Variants in EPB41L1 observed in about 807,000 individuals in gnomAD.
EPB41L1 encodes band 4.1-like protein 1.
EPB41L1 carries 29 observed loss-of-function variants against 97.8 expected under a neutral mutation model. The ratio of observed to expected loss-of-function variants is 0.30; its 90% CI spans 0.22 to 0.40. The LOEUF (loss-of-function observed/expected upper bound fraction) is 0.40. EPB41L1 is among the 10% of genes least tolerant of loss of function. EPB41L1 has a pLI of 1.00. For missense variants in EPB41L1, 812 were observed against 1,162.3 expected (o/e 0.70, Z 4.38); for synonymous variants, 383 against 459.2 (o/e 0.83, Z 2.12).
intron 1 of EPB41L1, among the ~76,000 whole-genome samples, chr20:36,159,704 A>G (rs962398416): frequency 6.6e-6 from 1 of 152,216 alleles, no homozygotes; most frequent in Admixed American, 6.5e-5. Context: ...AGTGCCTGCC[A>G]TATTCTTGCT....
chr20:36,197,752 G>A (rs2062279982), intron 13 of EPB41L1, 107 bp from the exon 14 acceptor site: 20 of 1,602,580 alleles, frequency 1.2e-5, no homozygotes, highest in South Asian at 4.5e-5. Context: ...TGGGAATAAC[G>A]TTGCTGGTGG....
At position 36,231,023 on chromosome 20, in the gene EPB41L1, A is replaced by C. The variant is rs2064466792; in HGVS notation, c.*1683A>C. ...CCTGAAAGATCAAAACTGCATTTGC[A>C]AAGCCCTCCCCTGTCCCAGGACAAA... On this transcript the variant is annotated 3_prime_UTR_variant, in exon 22 of 22. Transcript: ENST00000338074. 1 of 152,322 alleles carries C rather than the reference A, an allele frequency of 6.6e-6. No individual in the cohort carries two copies. Among genetic ancestry groups the C allele is most frequent in the Non-Finnish European group, 1.5e-5 (1 of 68,114 alleles). 9.4% of individuals were successfully genotyped at this position (152,322 alleles called of 1,614,324 possible).
intron 1 of EPB41L1, among the ~76,000 whole-genome samples, chr20:36,104,104 C>T (rs1224978241): frequency 6.6e-6 from 1 of 152,132 alleles, no homozygotes; most frequent in Non-Finnish European, 1.5e-5. Flanking sequence ...GTTCCTTGGT[C>T]TCCAGGGTCT....
intron 1 of EPB41L1, among the ~76,000 whole-genome samples, chr20:36,098,803 G>A (rs1476074662): frequency 6.6e-6 from 1 of 152,120 alleles, no homozygotes; most frequent in Admixed American, 6.5e-5. Context: ...CCAAATTTAG[G>A]CTTTGCAGTG....
At chr20:36,205,805 C>T in intron 14 of EPB41L1, 4 of 1,254,520 alleles carry the variant, frequency 3.2e-6, no homozygotes, top group South Asian at 1.3e-5. Context: ...TCTTCAGGTA[C>T]CTGATATTTC....
chr20:36,130,768 C>CTCCT (rs11472852), intron 2 of EPB41L1, among the ~76,000 whole-genome samples: 1 of 151,068 alleles, frequency 6.6e-6, no homozygotes, highest in African/African-American at 2.4e-5. Flanking sequence ...CTCTCTCTCT[C>CTCCT]TATTTGATTT....
intron 6 of EPB41L1, among the ~76,000 whole-genome samples, chr20:36,183,310 G>C (rs79160647): frequency 0.01 from 1,598 of 152,296 alleles, 31 homozygotes; most frequent in African/African-American, 0.036. Context: ...TGTTGATTGC[G>C]TGTTTGCCAG....
At chr20:36,109,990 G>A (rs2058336377) in intron 1 of EPB41L1, 1 of 150,052 alleles carries the variant, frequency 6.7e-6, no homozygotes, top group Admixed American at 6.7e-5. Flanking sequence ...TGCCCAGCCT[G>A]GAGTGCAATG....
chr20:36,227,464 T>C (rs1468352509), intron 21 of EPB41L1, among the ~76,000 whole-genome samples: 1 of 152,212 alleles, frequency 6.6e-6, no homozygotes, highest in Admixed American at 6.5e-5. Flanking sequence ...AATGTATACA[T>C]TGGAGTTGCT....
At chr20:36,152,474 T>C (rs1600618113), upstream of EPB41L1, 1 of 152,736 alleles carries the variant, frequency 6.5e-6, no homozygotes, top group Non-Finnish European at 1.5e-5. Flanking sequence ...GAAAGGGAGA[T>C]GGCCAGGGAA....
chr20:36,102,148 C>T (rs994533113), intron 1 of EPB41L1, among the ~76,000 whole-genome samples: 18 of 152,090 alleles, frequency 1.2e-4, no homozygotes, highest in African/African-American at 3.9e-4. Context: ...GGTAGGGCCC[C>T]GGAAGCAGCC....
chr20:36,125,076 A>G (rs1362819130), intron 2 of EPB41L1, among the ~76,000 whole-genome samples: 6 of 152,016 alleles, frequency 3.9e-5, no homozygotes, highest in Admixed American at 6.6e-5. Context: ...ATAAAGCCCT[A>G]CTTCTAAGAT....
At chr20:36,143,576 C>T (rs1158933652) in intron 2 of EPB41L1, among the ~76,000 whole-genome samples, 2 of 152,104 alleles carry the variant, frequency 1.3e-5, no homozygotes, top group Non-Finnish European at 2.9e-5. Flanking sequence ...AATTTCTTAT[C>T]GTGGCTGATT....
intron 1 of EPB41L1, among the ~76,000 whole-genome samples, chr20:36,168,234 T>C (rs2060821222): frequency 6.6e-6 from 1 of 152,208 alleles, no homozygotes; most frequent in Admixed American, 6.5e-5. Flanking sequence ...CAGGCAAGCA[T>C]CCCTGGCCTC....
chr20:36,166,128 C>T (rs2060729287), intron 1 of EPB41L1, among the ~76,000 whole-genome samples: 1 of 152,246 alleles, frequency 6.6e-6, no homozygotes, highest in South Asian at 2.1e-4. Flanking sequence ...AGGTCTCCAT[C>T]CTCAGTTGGG....
upstream of EPB41L1, among the ~76,000 whole-genome samples, chr20:36,154,301 C>T (rs2060177985): frequency 6.6e-6 from 1 of 152,156 alleles, no homozygotes; most frequent in Non-Finnish European, 1.5e-5. The surrounding 1 kb of genome is among the most constrained non-coding windows in gnomAD (Gnocchi z 5.5). Flanking sequence ...CATGCATCCC[C>T]CTCTTCTCTC....
intron 19 of EPB41L1, 70 bp downstream of exon 19, chr20:36,219,914 C>A: frequency 7.4e-7 from 1 of 1,353,410 alleles, no homozygotes; most frequent in Non-Finnish European, 1.1e-6. Flanking sequence ...TGTTGTTCTG[C>A]TTCGGCTTCG....
chr20:36,110,298 GAC>G (rs1569029216), intron 1 of EPB41L1, among the ~76,000 whole-genome samples: 1 of 152,306 alleles, frequency 6.6e-6, no homozygotes, highest in East Asian at 1.9e-4. Context: ...AGATGAGAGA[GAC>G]AGAGCAAGAG....
chr20:36,179,063 A>T (rs1183460936), intron 5 of EPB41L1, among the ~76,000 whole-genome samples: 1 of 151,618 alleles, frequency 6.6e-6, no homozygotes, highest in Non-Finnish European at 1.5e-5. Flanking sequence ...CAACAGAGCA[A>T]AATTTCATCT....
Sources: allele counts gnomAD v4.1 joint callset (sites outside exome capture counted in the v4.1 genomes callset), GRCh38; gene constraint gnomAD v4.1.1; non-coding constraint Gnocchi (gnomAD v3.1); transcripts MANE v1.5; gene names NCBI Gene and HGNC (gene_info 2026-07-23, HGNC 2026-07-21).